THAP2: variants seen among roughly 807,000 people sequenced by gnomAD.
The protein encoded by THAP2 is THAP domain-containing protein 2.
In THAP2, 16 loss-of-function variants were observed where a neutral mutation model predicts 18.8. The ratio of observed to expected loss-of-function variants is 0.85; its 90% confidence interval spans 0.58 to 1.29. THAP2 has a LOEUF of 1.29. Ranked by LOEUF, THAP2 falls within the 50% of genes most tolerant of loss-of-function variation. The probability of loss-of-function intolerance (pLI) is 0.00; values close to 1 mark genes in which losing one functional copy is unlikely to be tolerated. For synonymous variants in THAP2, 80 were observed against 89.2 expected, an observed-to-expected ratio of 0.90 and a Z score of 0.58; for missense variants, 251 against 265.3, an observed-to-expected ratio of 0.95 and a Z score of 0.38.
chr12:71,673,047 C>T (rs1881467526), intron 1 of THAP2, among the ~76,000 whole-genome samples: 1 of 152,100 alleles, frequency 6.6e-6, no homozygotes, highest in African/African-American at 2.4e-5. Flanking sequence ...GTATGTACTA[C>T]AGTTGGTTTT....
At chr12:71,668,750 A>T (rs557071970) in intron 1 of THAP2, among the ~76,000 whole-genome samples, 2 of 152,212 alleles carry the variant, frequency 1.3e-5, no homozygotes, top group Non-Finnish European at 2.9e-5. Context: ...CACTGTTTAA[A>T]CTACTGAGTG....
At chr12:71,670,772 C>T (rs1252095122) in intron 1 of THAP2, among the ~76,000 whole-genome samples, 1 of 151,756 alleles carries the variant, frequency 6.6e-6, no homozygotes, top group Admixed American at 6.6e-5. Flanking sequence ...AACCCCGTCT[C>T]TATTAAAAAT....
intron 2 of THAP2, 110 bp from the exon 3 acceptor site, chr12:71,676,579 A>G (rs1881523102): frequency 1.7e-6 from 2 of 1,152,984 alleles, no homozygotes; most frequent in Non-Finnish European, 2.4e-6. Context: ...AAGTTTTAAA[A>G]TTGACTTTTA....
chr12:71,675,263 T>G (rs1000239142), intron 2 of THAP2, among the ~76,000 whole-genome samples: 1 of 152,074 alleles, frequency 6.6e-6, no homozygotes, highest in East Asian at 1.9e-4. Context: ...ATTATCTGAA[T>G]GGAGACGAGG....
At chr12:71,668,056 C>T (rs1881373361) in intron 1 of THAP2, 1 of 152,186 alleles carries the variant, frequency 6.6e-6, no homozygotes, top group Non-Finnish European at 1.5e-5. Flanking sequence ...TAACAATCAG[C>T]TCCCACAATT....
rs1324734873 is a variant in THAP2, at chr12:71,679,133, T to G, written c.*2025T>G. ...ACTTATTTGTGTAGCCCAGTTCCCATCTACAGTAATACCTTGAAACCTTAA... is the reference window on the plus strand; with the variant it reads ...ACTTATTTGTGTAGCCCAGTTCCCAGCTACAGTAATACCTTGAAACCTTAA... On this transcript the variant is annotated 3_prime_UTR_variant, in exon 3 of 3. Coordinates refer to ENST00000308086, the MANE Select transcript of THAP2 (RefSeq NM_031435.4). 1 of 152,134 alleles carries G rather than the reference T, an allele frequency of 6.6e-6. No individual in the cohort carries two copies. The allele number at this position is 152,134 out of a possible 1,614,324, so 9.4% of individuals were successfully genotyped here. A position where few individuals can be genotyped will look rare whatever the true frequency, so the allele number is the denominator to read the frequency against.
chr12:71,675,148 C>A (rs1171662330), intron 2 of THAP2, among the ~76,000 whole-genome samples: 1 of 151,904 alleles, frequency 6.6e-6, no homozygotes, highest in African/African-American at 2.4e-5. Flanking sequence ...GTAAAATGAA[C>A]ACAAATAGTT....
chr12:71,676,525 C>T (rs1414447295), intron 2 of THAP2, among the ~76,000 whole-genome samples, 164 bp from the exon 3 acceptor site: 1 of 152,058 alleles, frequency 6.6e-6, no homozygotes, highest in African/African-American at 2.4e-5. Context: ...AGTTAAAAAA[C>T]TTAATCTTGG....
At chr12:71,673,861 G>A (rs539669528) in intron 1 of THAP2, among the ~76,000 whole-genome samples, 14 of 152,190 alleles carry the variant, frequency 9.2e-5, no homozygotes, top group African/African-American at 2.6e-4. Context: ...AGATTAAAGC[G>A]TGGTGAAATT....
chr12:71,669,802 G>T (rs113656627), intron 1 of THAP2, among the ~76,000 whole-genome samples: 1 of 151,216 alleles, frequency 6.6e-6, no homozygotes, highest in Non-Finnish European at 1.5e-5. Flanking sequence ...TAAAAATATA[G>T]AAAAAAAATT....
intron 1 of THAP2, chr12:71,665,664 C>T (rs1246218449): frequency 6.6e-6 from 1 of 152,206 alleles, no homozygotes; most frequent in Non-Finnish European, 1.5e-5. Context: ...AGTCAAAGAA[C>T]ACTTTTTCAA....
At chr12:71,666,547 A>G (rs934243637) in intron 1 of THAP2, among the ~76,000 whole-genome samples, 11 of 152,040 alleles carry the variant, frequency 7.2e-5, no homozygotes, top group African/African-American at 2.7e-4. Context: ...AAAAAAAGAG[A>G]TGGATGGTGG....
chr12:71,676,441 C>G (rs1231712983), intron 2 of THAP2, among the ~76,000 whole-genome samples: 1 of 152,010 alleles, frequency 6.6e-6, no homozygotes, highest in Non-Finnish European at 1.5e-5. Flanking sequence ...CGTCCATTGT[C>G]TATTTCCAAA....
rs764598166 is a variant in THAP2 at position 71,664,598 on chromosome 12, TG to T, written c.71+23del. On this transcript the variant is annotated intron_variant, in intron 1 of 2. Coordinates refer to ENST00000308086, the MANE Select transcript of THAP2 (RefSeq NM_031435.4). The stretch of plus-strand genomic sequence containing the variant: ...TTCCACAGGTAACCTGGGCAGGGAG[TG>T]GGGGTGACGGAAACTGGAGTTCCTA... 7 of 1,613,408 alleles carry T rather than the reference TG, an allele frequency of 4.3e-6. No homozygotes were observed. Among genetic ancestry groups the T allele is most frequent in the Non-Finnish European group, 5.9e-6 (7 of 1,179,878 alleles).
At chr12:71,669,285 GA>G (rs1299504008) in intron 1 of THAP2, among the ~76,000 whole-genome samples, 1 of 152,200 alleles carries the variant, frequency 6.6e-6, no homozygotes, top group Non-Finnish European at 1.5e-5. Flanking sequence ...TCTGATCATG[GA>G]AAACTTCCTT....
chr12:71,672,194 T>C (rs1475113599), intron 1 of THAP2, among the ~76,000 whole-genome samples: 1 of 152,172 alleles, frequency 6.6e-6, no homozygotes, highest in Non-Finnish European at 1.5e-5. Flanking sequence ...GAAAGGGCAC[T>C]TTTGCCTGCA....
intron 1 of THAP2, chr12:71,664,968 T>A: frequency 1.4e-6 from 1 of 702,302 alleles, no homozygotes; most frequent in Non-Finnish European, 2.6e-6. Flanking sequence ...ATTAGGAAAT[T>A]CTCACTAGAT....
chr12:71,673,647 C>T (rs560575237), intron 1 of THAP2, among the ~76,000 whole-genome samples: 1 of 152,166 alleles, frequency 6.6e-6, no homozygotes, highest in South Asian at 2.1e-4. Context: ...AAGATAAATA[C>T]ATAACAAGAT....
At chr12:71,667,152 T>G (rs1357128693) in intron 1 of THAP2, among the ~76,000 whole-genome samples, 1 of 152,254 alleles carries the variant, frequency 6.6e-6, no homozygotes, top group Non-Finnish European at 1.5e-5. Flanking sequence ...GAAATTGCTC[T>G]TGCTAACATG....
Sources: allele counts gnomAD v4.1 joint callset (sites outside exome capture counted in the v4.1 genomes callset), GRCh38; gene constraint gnomAD v4.1.1; transcripts MANE v1.5; gene names NCBI Gene and HGNC (gene_info 2026-07-23, HGNC 2026-07-21).